TECTA: variants seen among roughly 807,000 people sequenced by gnomAD.
The protein encoded by TECTA is tectorin alpha.
Under a neutral mutation model 216.8 loss-of-function variants are expected in TECTA, and 128 were observed. The ratio of observed to expected loss-of-function variants is 0.59; its 90% CI spans 0.51 to 0.68. The LOEUF (loss-of-function observed/expected upper bound fraction) is 0.68. TECTA is among the 30% of genes least tolerant of loss of function. The probability of loss-of-function intolerance (pLI) is 0.00; values close to 1 mark genes in which losing one functional copy is unlikely to be tolerated. For synonymous variants in TECTA, 1,089 were observed against 1,117.1 expected (o/e 0.97, Z 0.50); for missense variants, 2,551 against 2,786.2 (o/e 0.92, Z 1.90).
intron 11 of TECTA, among the ~76,000 whole-genome samples, chr11:121,144,829 A>C (rs888790646): frequency 3.9e-5 from 6 of 152,282 alleles, no homozygotes; most frequent in Admixed American, 3.3e-4. Context: ...GTTGCCCATA[A>C]TCTTGTAGGT....
chr11:121,160,482 G>T, intron 15 of TECTA, 61 bp downstream of exon 15: 1 of 1,593,162 alleles, frequency 6.3e-7, no homozygotes. Flanking sequence ...ACGTCCATGG[G>T]TGGTGTGAAT....
chr11:121,125,783 C>T lies in TECTA; in HGVS notation c.1685C>T (p.Thr562Met), dbSNP rs779401654. ...YDLCSVRDNG[T>M]LLCQAIQAYA... ...CTGTGCAGTGTGAGGGACAATGGCA[C>T]GCTCCTCTGCCAAGCCATCCAGGCC... Residue 562 changes from threonine to methionine, a missense_variant, in exon 8 of 24, where the codon ACG becomes ATG. By Grantham distance (81) the Thr-to-Met change is moderately conservative. Transcript: ENST00000392793. 4.2e-5 allele frequency: 67 copies of T among 1,614,030 alleles called. No homozygotes were observed. In the East Asian group the frequency reaches 4.5e-4, roughly 11 times the overall value.
At chr11:121,190,592 G>C (rs1947331507) in intron 23 of TECTA, 114 bp from the exon 24 acceptor site, 6 of 815,348 alleles carry the variant, frequency 7.4e-6, no homozygotes, top group Non-Finnish European at 1.2e-5. Flanking sequence ...AGGTAAAATG[G>C]GTTCTTGGCA....
Position 121,130,062 on chromosome 11 carries a change from A to G in TECTA, c.2792A>G (p.Asn931Ser). The change falls in exon 10 of 24, where the codon AAC becomes AGC. Residue 931 changes from asparagine to serine, a missense_variant. Physicochemically the swap from Asn to Ser is conservative, Grantham distance 46. Transcript: ENST00000392793. ...TTCCTGGAGTGCCATGGGGTGGTGA[A>G]CGTCACTGCCTATTACCGCACCTGC... is the stretch of plus-strand genomic sequence containing the variant. ...SSFLECHGVV[N>S]VTAYYRTCLF... is the part of the protein sequence containing the mutation. 6.2e-7 allele frequency: 1 copy of G among 1,614,128 alleles called. No individual in the cohort carries two copies.
intron 20 of TECTA, among the ~76,000 whole-genome samples, chr11:121,187,428 G>A (rs1386838881): frequency 6.6e-6 from 1 of 152,166 alleles, no homozygotes; most frequent in East Asian, 1.9e-4. Flanking sequence ...TTGAGTCAGG[G>A]GCCCTTGCCA....
At chr11:121,162,493 G>A (rs942057390) in intron 16 of TECTA, 123 bp downstream of exon 16, 60 of 1,310,416 alleles carry the variant, frequency 4.6e-5, no homozygotes, top group Non-Finnish European at 5.8e-5. Context: ...CTGCTTCCAG[G>A]ATTGGATAGT....
At chr11:121,121,616 G>A (rs376127358) in intron 7 of TECTA, among the ~76,000 whole-genome samples, 33 of 152,182 alleles carry the variant, frequency 2.2e-4, no homozygotes, top group African/African-American at 8.0e-4. Context: ...GAACATTACT[G>A]ACACCCACAG....
chr11:121,186,411 C>G (rs1226267050), intron 20 of TECTA, among the ~76,000 whole-genome samples: 1 of 152,214 alleles, frequency 6.6e-6, no homozygotes, highest in Non-Finnish European at 1.5e-5. Context: ...TGTGCTCACT[C>G]TAAGAAAGCC....
intron 20 of TECTA, among the ~76,000 whole-genome samples, chr11:121,183,407 C>T (rs1947250505): frequency 6.6e-6 from 1 of 152,132 alleles, no homozygotes; most frequent in African/African-American, 2.4e-5. Context: ...TCTCAGGGCC[C>T]AAATGGCTCT....
At position 121,181,004 on chromosome 11, in the gene TECTA, A is replaced by T. The variant is rs1391277042; in HGVS notation, c.6000-6828A>T. Among the ~76,000 whole-genome samples, 7 of 152,076 alleles carry T rather than the reference A, an allele frequency of 4.6e-5. No individual in the cohort carries two copies. The South Asian group carries it at 1.5e-3, about 32-fold the overall frequency. On this transcript the variant is annotated intron_variant, in intron 20 of 23. Transcript: ENST00000392793. ...AACACAGTGAAACCCTGTCTCTACTAAAAATACAAAAAATTAGCCAGGTCT... is the reference window on the plus strand; with the variant it reads ...AACACAGTGAAACCCTGTCTCTACTTAAAATACAAAAAATTAGCCAGGTCT...
chr11:121,118,318 G>A lies in TECTA; in HGVS notation c.803G>A (p.Arg268Gln), dbSNP rs147609795. The A allele has an allele frequency of 1.9e-5, 30 of 1,614,106 alleles. No homozygotes were observed. The highest frequency in any genetic ancestry group is 1.7e-4 in the Middle Eastern group (1 of 6,056). The change falls in exon 7 of 24, where the codon CGG (arginine) becomes CAG (glutamine). Residue 268 changes from arginine (R) to glutamine (Q), a missense_variant. Coordinates refer to ENST00000392793, the MANE Select transcript of TECTA (RefSeq NM_005422.4). Reference protein sequence around the residue: ...NGCTSRGQFLRRGEVFWDDLN... With the variant: ...NGCTSRGQFLQRGEVFWDDLN... The stretch of plus-strand genomic sequence containing the variant: ...CATTATTCCCCAGGACAATTCCTTC[G>A]GCGAGGGGAGGTGTTTTGGGATGAC...
At chr11:121,148,730 A>C (rs1275951424) in intron 12 of TECTA, among the ~76,000 whole-genome samples, 3 of 152,240 alleles carry the variant, frequency 2.0e-5, no homozygotes, top group African/African-American at 7.2e-5. Context: ...CTTTATTGGT[A>C]ACAAGGTAGA....
rs928343450 is a variant in TECTA, at chr11:121,105,750, G to A, written c.65-81G>A. ...CTTGCAAGCCCTACTGAAAGAAGCTGGCTTCAGTAGGTAGGAGAGATGTAG... is the reference window on the plus strand; with the variant it reads ...CTTGCAAGCCCTACTGAAAGAAGCTAGCTTCAGTAGGTAGGAGAGATGTAG... On this transcript the variant is annotated intron_variant, in intron 2 of 23. Coordinates refer to ENST00000392793, the MANE Select transcript of TECTA (RefSeq NM_005422.4). This position sits in a 1 kb window ranked among gnomAD's most constrained non-coding sequence, Gnocchi z 5.3. 13 of 1,579,726 alleles carry A rather than the reference G, an allele frequency of 8.2e-6. No individual in the cohort carries two copies. Among genetic ancestry groups the A allele is most frequent in the Non-Finnish European group, 1.0e-5 (12 of 1,157,698 alleles).
At chr11:121,120,641 A>G (rs1195876831) in intron 7 of TECTA, among the ~76,000 whole-genome samples, 1 of 152,246 alleles carries the variant, frequency 6.6e-6, no homozygotes, top group African/African-American at 2.4e-5. Context: ...GGTTCTGTAC[A>G]TGGATTTTCC....
intron 7 of TECTA, among the ~76,000 whole-genome samples, chr11:121,120,958 C>A (rs910148515): frequency 7.2e-5 from 11 of 152,176 alleles, no homozygotes; most frequent in Non-Finnish European, 1.2e-4. Context: ...TGAGACAGGG[C>A]CCTCTAGGAG....
intron 14 of TECTA, among the ~76,000 whole-genome samples, chr11:121,159,111 T>G (rs780771768): frequency 6.6e-6 from 1 of 152,236 alleles, no homozygotes; most frequent in Non-Finnish European, 1.5e-5. Flanking sequence ...CCTGCTCAGA[T>G]AATCAGGCCT....
chr11:121,176,733 T>C (rs1042452271), intron 20 of TECTA, among the ~76,000 whole-genome samples: 3 of 151,730 alleles, frequency 2.0e-5, no homozygotes, highest in East Asian at 1.9e-4. Flanking sequence ...CCTTGCTAGA[T>C]TGGGGAAGTT....
rs770866810 is a variant in TECTA, at chr11:121,128,068, C to T, written c.2091C>T (p.Ala697=). The T allele has an allele frequency of 2.5e-6, 4 of 1,612,458 alleles. No individual in the cohort carries two copies. Among genetic ancestry groups the T allele is most frequent in the East Asian group, 2.2e-5 (1 of 44,880 alleles). ...NKTCGSGEVC[A]VEDGYQGCFP... Reference sequence around the variant, plus strand: ...CCTGCGGCAGCGGGGAGGTGTGCGCCGTGGAGGACGGCTACCAGGGCTGCT... The same window carrying T: ...CCTGCGGCAGCGGGGAGGTGTGCGCTGTGGAGGACGGCTACCAGGGCTGCT... Residue 697 remains alanine (A), a synonymous_variant, in exon 9 of 24, where the codon GCC becomes GCT. Coordinates refer to ENST00000392793, the MANE Select transcript of TECTA (RefSeq NM_005422.4).
intron 14 of TECTA, among the ~76,000 whole-genome samples, chr11:121,158,548 C>T (rs1472428576): frequency 6.6e-6 from 1 of 152,156 alleles, no homozygotes; most frequent in Non-Finnish European, 1.5e-5. Flanking sequence ...TTCCAAAAAG[C>T]ATCTCATTTG....
Sources: allele counts gnomAD v4.1 joint callset (sites outside exome capture counted in the v4.1 genomes callset), GRCh38; gene constraint gnomAD v4.1.1; non-coding constraint Gnocchi (gnomAD v3.1); transcripts MANE v1.5; gene names NCBI Gene and HGNC (gene_info 2026-07-23, HGNC 2026-07-21).